Variants in MYH8 observed in about 807,000 individuals in gnomAD.
The protein encoded by MYH8 is myosin heavy chain 8.
In MYH8, 168 loss-of-function variants were observed where a neutral mutation model predicts 233.2. That is an observed-to-expected ratio of 0.72 (90% CI 0.64 to 0.82). MYH8 has a LOEUF of 0.82. Among genes scored for constraint, MYH8 ranks in the 40% least tolerant of loss-of-function variants. The pLI is 0.00. For synonymous variants in MYH8, 785 were observed against 850.6 expected (o/e 0.92, Z 1.34); for missense variants, 1,995 against 2,327.8 (o/e 0.86, Z 2.94).
intron 28 of MYH8, 80 bp from the exon 29 acceptor site, chr17:10,398,966 G>GTA (rs1040631938): frequency 3.8e-5 from 27 of 712,822 alleles, no homozygotes; most frequent in African/African-American, 1.5e-4. Context: ...ATGTGTGTGT[G>GTA]TATATATATA....
chr17:10,406,956 C>T lies in MYH8; in HGVS notation c.1989G>A (p.Thr663=), dbSNP rs886052559. The T allele has an allele frequency of 1.9e-6, 3 of 1,613,726 alleles. No homozygotes were observed. Among genetic ancestry groups the T allele is most frequent in the African/African-American group, 1.3e-5 (1 of 74,862 alleles). The change falls in exon 18 of 40, where the codon ACG becomes ACA. Residue 663 remains threonine, a synonymous_variant. Transcript: ENST00000403437. ...AGTGAGGGTGTGTGCTCCTCAGATT[C>T]GTCATCAATTTATTTAAATTTTCCT... is the stretch of plus-strand genomic sequence containing the variant. ...LFRENLNKLM[T]NLRSTHPHFV...
In MYH8 at chr17:10,394,308, T is replaced by G; in HGVS notation, c.5107A>C (p.Lys1703Gln). 6.2e-7 allele frequency: 1 copy of G among 1,614,134 alleles called. No homozygotes were observed. Among genetic ancestry groups the G allele is most frequent in the Non-Finnish European group, 8.5e-7 (1 of 1,180,026 alleles). The part of the protein sequence containing the change: ...ATLEQTERSR[K>Q]IAEQELLDAS... The stretch of plus-strand genomic sequence containing the variant: ...TCCAGGAGCTCCTGTTCGGCGATTT[T>G]CCTGCTTCTCTCTGTCTGTTCCAGA... The change falls in exon 35 of 40, where the codon AAA (lysine) becomes CAA (glutamine). Residue 1703 changes from lysine to glutamine, a missense_variant. By Grantham distance (53) the Lys-to-Gln change is moderately conservative. Transcript: ENST00000403437.
Position 10,401,799 on chromosome 17 carries a change from C to A in MYH8, c.2689-14G>T. On this transcript the variant is annotated splice_polypyrimidine_tract_variant and intron_variant, in intron 22 of 39. Coordinates refer to ENST00000403437, the MANE Select transcript of MYH8 (RefSeq NM_002472.3). ...GCTATCTGCTTCCTATGGAGAGATT[C>A]ATTCAGATACTTAGAGTCTGTTACT... The A allele has an allele frequency of 6.2e-7, 1 of 1,614,112 alleles. No individual in the cohort carries two copies. Among genetic ancestry groups the A allele is most frequent in the Non-Finnish European group, 8.5e-7 (1 of 1,180,008 alleles).
intron 14 of MYH8, 64 bp downstream of exon 14, chr17:10,412,306 G>A: frequency 1.9e-6 from 3 of 1,613,768 alleles, no homozygotes; most frequent in Non-Finnish European, 2.5e-6. Flanking sequence ...GATGAATAAT[G>A]ATAATACCTA....
chr17:10,397,402 G>C (rs1259831390), intron 30 of MYH8, among the ~76,000 whole-genome samples: 1 of 152,106 alleles, frequency 6.6e-6, no homozygotes, highest in Non-Finnish European at 1.5e-5. Flanking sequence ...CCACGGTCCT[G>C]TTTCTATACT....
At chr17:10,404,648 T>C (rs1208462660) in intron 21 of MYH8, 63 bp from the exon 22 acceptor site, 14 of 1,598,530 alleles carry the variant, frequency 8.8e-6, no homozygotes, top group Middle Eastern at 1.7e-4. Flanking sequence ...TTGTTACTTA[T>C]CACACACAAA....
Position 10,406,823 on chromosome 17 carries a change from A to G in MYH8, c.2054-16T>C. On this transcript the variant is annotated splice_polypyrimidine_tract_variant and intron_variant, in intron 18 of 39. Transcript: ENST00000403437. Reference sequence around the variant, plus strand: ...TCCATTGCCCCTAAAAATATAGAACAGTACTTATTAGTGGGCATTTAACTT... The same window carrying G: ...TCCATTGCCCCTAAAAATATAGAACGGTACTTATTAGTGGGCATTTAACTT... 6.2e-7 allele frequency: 1 copy of G among 1,613,298 alleles called. No homozygotes were observed. Among genetic ancestry groups the G allele is most frequent in the South Asian group, 1.1e-5 (1 of 91,060 alleles).
At chr17:10,402,251 T>G (rs1235329986) in intron 22 of MYH8, among the ~76,000 whole-genome samples, 2 of 152,184 alleles carry the variant, frequency 1.3e-5, no homozygotes, top group African/African-American at 4.8e-5. Flanking sequence ...TAGTTTTGGT[T>G]TTGATCATTC....
chr17:10,393,694 T>C (rs553276379), intron 35 of MYH8, among the ~76,000 whole-genome samples: 42 of 152,326 alleles, frequency 2.8e-4, no homozygotes, highest in African/African-American at 9.4e-4. Context: ...AGAGAAGCAA[T>C]ATCGTCTCAA....
rs538081232 is a variant in MYH8 at position 10,398,604 on chromosome 17, G to A, written c.4018C>T (p.Arg1340Cys). ...TCCCGCAGCAGGTCGCAGTCATGGC[G>A]GGAGGACTGCAGGGCGTGTGCCAGG... Reference protein sequence around the residue: ...NALAHALQSSRHDCDLLREQY... With the variant: ...NALAHALQSSCHDCDLLREQY... The change falls in exon 30 of 40, where the codon CGC becomes TGC. Residue 1340 changes from arginine to cysteine, a missense_variant. Coordinates refer to ENST00000403437, the MANE Select transcript of MYH8 (RefSeq NM_002472.3). 4.2e-5 allele frequency: 67 copies of A among 1,614,202 alleles called. No homozygotes were observed. In the South Asian group the frequency reaches 6.5e-4, roughly 16 times the overall value.
chr17:10,403,998 T>C (rs567015884), intron 22 of MYH8, among the ~76,000 whole-genome samples: 1 of 152,266 alleles, frequency 6.6e-6, no homozygotes, highest in South Asian at 2.1e-4. Flanking sequence ...ATTTAGAAAA[T>C]AGAGCTATAC....
At chr17:10,395,733 GA>G (rs2072072680) in intron 33 of MYH8, among the ~76,000 whole-genome samples, 1 of 151,928 alleles carries the variant, frequency 6.6e-6, no homozygotes, top group Non-Finnish European at 1.5e-5. Flanking sequence ...ATCTGTTTTA[GA>G]AATTAAAATG....
At chr17:10,410,455 A>G (rs935539166) in intron 15 of MYH8, among the ~76,000 whole-genome samples, 1 of 152,236 alleles carries the variant, frequency 6.6e-6, no homozygotes, top group African/African-American at 2.4e-5. Flanking sequence ...TGTGGACATC[A>G]TGGATCATAA....
intron 27 of MYH8, 105 bp from the exon 28 acceptor site, chr17:10,399,774 A>T: frequency 6.6e-7 from 1 of 1,505,076 alleles, no homozygotes; most frequent in Non-Finnish European, 9.1e-7. Flanking sequence ...GTCAAGTGTG[A>T]GTAGAAAGTT....
intron 21 of MYH8, among the ~76,000 whole-genome samples, chr17:10,405,346 T>C (rs146919392): frequency 7.0e-4 from 107 of 152,338 alleles, no homozygotes; most frequent in African/African-American, 2.4e-3. Context: ...GTTTGACTAC[T>C]TGTAGCAATG....
Position 10,396,198 on chromosome 17 carries a change from T to C in MYH8, c.4653+132A>G. ...TGATAGGTCAGAGTATTTACATTTT[T>C]AAGGATTTTGATAACTATTGCCAAG... On this transcript the variant is annotated intron_variant, in intron 33 of 39. Coordinates refer to ENST00000403437, the MANE Select transcript of MYH8 (RefSeq NM_002472.3). This position sits in a 1 kb window ranked among gnomAD's most constrained non-coding sequence, Gnocchi z 4.2. The C allele has an allele frequency of 9.4e-7, 1 of 1,066,970 alleles. No homozygotes were observed. The highest frequency in any genetic ancestry group is 1.5e-5 in the South Asian group (1 of 68,106). 66.1% of individuals were successfully genotyped at this position (1,066,970 alleles called of 1,614,324 possible).
At position 10,420,217 on chromosome 17, in the gene MYH8, C is replaced by A; in HGVS notation, c.11G>T (p.Ser4Ile). The A allele has an allele frequency of 6.2e-7, 1 of 1,613,196 alleles. No individual in the cohort carries two copies. MSA[S>I]SDAEMAVFGE... ...AAAAACAGCCATCTCAGCGTCTGAG[C>A]TCGCACTCATGGCTGCGATTTATTT... Residue 4 changes from serine to isoleucine, a missense_variant, in exon 3 of 40, where the codon AGC becomes ATC. Physicochemically the swap from Ser to Ile is moderately radical, Grantham distance 142. Coordinates refer to ENST00000403437, the MANE Select transcript of MYH8 (RefSeq NM_002472.3).
In MYH8 at chr17:10,412,402, C is replaced by T. The variant is rs749830403; in HGVS notation, c.1384G>A (p.Val462Ile). 2 of 1,614,080 alleles carry T rather than the reference C, an allele frequency of 1.2e-6. No individual in the cohort carries two copies. Among genetic ancestry groups the T allele is most frequent in the Admixed American group, 1.7e-5 (1 of 60,000 alleles). Residue 462 changes from valine (V) to isoleucine (I), a missense_variant, in exon 14 of 40, where the codon GTC (valine) becomes ATC (isoleucine). Val to Ile is a conservative substitution (Grantham distance 29). This residue lies in a region of MYH8 where 479 missense variants were observed against 600.9 expected (regional missense o/e 0.80). Transcript: ENST00000403437. ...ATTTCAAAGCCAGCAATGTCCAAGACCCCGATGAAGTACTGCCTGGGCTGC... is the reference window on the plus strand; with the variant it reads ...ATTTCAAAGCCAGCAATGTCCAAGATCCCGATGAAGTACTGCCTGGGCTGC... ...TKQPRQYFIG[V>I]LDIAGFEIFD...
Position 10,415,802 on chromosome 17 carries a change from A to G in MYH8, c.512-94T>C. The G allele has an allele frequency of 7.0e-7, 1 of 1,419,178 alleles. No individual in the cohort carries two copies. The highest frequency in any genetic ancestry group is 1.2e-5 in the South Asian group (1 of 80,524). The allele number at this position is 1,419,178 out of a possible 1,614,324, so 87.9% of individuals were successfully genotyped here. Reference sequence around the variant, plus strand: ...GATCAAACACAGCTTGTTCTTTTTAACTTTTTGAAGATGTCACCTTTGGTT... The same window carrying G: ...GATCAAACACAGCTTGTTCTTTTTAGCTTTTTGAAGATGTCACCTTTGGTT... On this transcript the variant is annotated intron_variant, in intron 5 of 39. Transcript: ENST00000403437. This position sits in a 1 kb window ranked among gnomAD's most constrained non-coding sequence, Gnocchi z 4.1.
Sources: gnomAD v4.1 joint callset for allele counts (sites outside exome capture counted in the v4.1 genomes callset) on GRCh38, gnomAD v4.1.1 for gene constraint, gnomAD v4.1.1 regional missense constraint, Gnocchi (gnomAD v3.1) non-coding constraint, MANE v1.5 for transcripts, NCBI Gene and HGNC (gene_info 2026-07-23, HGNC 2026-07-21) for gene names.